MACF1: variants seen among roughly 807,000 people sequenced by gnomAD.
The protein encoded by MACF1 is microtubule-actin cross-linking factor 1.
In MACF1, 193 loss-of-function variants were observed where a neutral mutation model predicts 854.8. The observed-to-expected ratio is 0.23, with a 90% CI of 0.20 to 0.25. The LOEUF is 0.25. MACF1 is among the 10% of genes least tolerant of loss of function. The pLI is 1.00. For missense variants in MACF1, 7,722 were observed against 8,929.1 expected (o/e 0.86, Z 5.45); for synonymous variants, 3,185 against 3,226.7 (o/e 0.99, Z 0.44).
At chr1:39,180,313 A>G (rs1188631124) in intron 2 of MACF1, among the ~76,000 whole-genome samples, 2 of 151,930 alleles carry the variant, frequency 1.3e-5, no homozygotes, top group Non-Finnish European at 2.9e-5. Context: ...GTTGTGGCCA[A>G]TTGATATAAA....
At chr1:39,421,488 T>A (rs936903668) in intron 58 of MACF1, among the ~76,000 whole-genome samples, 7 of 152,216 alleles carry the variant, frequency 4.6e-5, no homozygotes, top group African/African-American at 1.7e-4. Context: ...TTGTGTGTGA[T>A]CTGTGGCTCT....
intron 96 of MACF1, among the ~76,000 whole-genome samples, chr1:39,469,314 G>T (rs1321787538): frequency 6.6e-6 from 1 of 152,196 alleles, no homozygotes; most frequent in Non-Finnish European, 1.5e-5. Context: ...TTTAATATGA[G>T]CATGAGTGGT....
At chr1:39,354,417 T>C (rs1248111954) in intron 44 of MACF1, among the ~76,000 whole-genome samples, 1 of 152,136 alleles carries the variant, frequency 6.6e-6, no homozygotes, top group Non-Finnish European at 1.5e-5. Flanking sequence ...TATTTATTTA[T>C]TTTTTGAGAC....
At chr1:39,225,240 C>T (rs1316223638) in intron 1 of MACF1, among the ~76,000 whole-genome samples, 4 of 108,150 alleles carry the variant, frequency 3.7e-5, no homozygotes, top group Non-Finnish European at 5.7e-5. Context: ...GACGGAGTCT[C>T]GCTCTGTCGC....
intron 97 of MACF1, among the ~76,000 whole-genome samples, chr1:39,473,605 C>T (rs533412519): frequency 7.9e-5 from 12 of 152,276 alleles, no homozygotes; most frequent in Admixed American, 2.6e-4. Flanking sequence ...CAGCTTGGTG[C>T]TTCTGTTCTT....
chr1:39,379,239 A>G lies in MACF1; in HGVS notation c.13313A>G (p.Asn4438Ser). The stretch of plus-strand genomic sequence containing the variant: ...ATCCAGTGTGACATGTCAGATGTAA[A>G]CTTGAAGTATGAGAAACTAGGGGGA... ...TEIQCDMSDV[N>S]LKYEKLGGVL... The change falls in exon 54 of 101, where the codon AAC (asparagine) becomes AGC (serine). Residue 4438 changes from asparagine to serine, a missense_variant. Coordinates refer to ENST00000564288, the MANE Select transcript of MACF1 (RefSeq NM_001394062.1). 1 of 1,610,684 alleles carries G rather than the reference A, an allele frequency of 6.2e-7. No individual in the cohort carries two copies. Among genetic ancestry groups the G allele is most frequent in the Non-Finnish European group, 8.5e-7 (1 of 1,178,546 alleles).
intron 2 of MACF1, among the ~76,000 whole-genome samples, chr1:39,189,964 G>T (rs1644223490): frequency 6.6e-6 from 1 of 152,160 alleles, no homozygotes; most frequent in Non-Finnish European, 1.5e-5. Flanking sequence ...AGCTGGAAAA[G>T]AATTTAGAGA....
chr1:39,086,229 T>G (rs541200336), intron 2 of MACF1, among the ~76,000 whole-genome samples: 32 of 152,292 alleles, frequency 2.1e-4, no homozygotes, highest in African/African-American at 7.7e-4. Flanking sequence ...TGACAGACTG[T>G]GATCCAGAAA....
chr1:39,425,156 CTTTT>C (rs1226503221), intron 61 of MACF1, among the ~76,000 whole-genome samples: 2 of 152,086 alleles, frequency 1.3e-5, no homozygotes, highest in Non-Finnish European at 2.9e-5. Context: ...TTTTACTTTT[CTTTT>C]TTTAATTTCT....
chr1:39,187,934 TTCC>T (rs1644197943), intron 2 of MACF1, among the ~76,000 whole-genome samples: 1 of 123,434 alleles, frequency 8.1e-6, no homozygotes, highest in Admixed American at 8.5e-5. Flanking sequence ...TCTTTCCCCT[TTCC>T]CTTCCCTTCC....
Position 39,428,083 on chromosome 1 carries a change from A to G in MACF1, c.16599A>G (p.Ser5533=), listed in dbSNP as rs1570037961. 8 of 1,614,228 alleles carry G rather than the reference A, an allele frequency of 5.0e-6. No homozygotes were observed. The East Asian group carries it at 1.6e-4, about 31-fold the overall frequency. The change falls in exon 63 of 101, where the codon TCA becomes TCG. Residue 5533 remains serine (S), a synonymous_variant. Transcript: ENST00000564288. ...GTGTGCTGTCAGAAAAGATAGACTC[A>G]TTGCAGGCCCGATACAGTGAAATTC... ...EQGVLSEKID[S]LQARYSEIQD...
At chr1:39,262,860 C>G (rs1305577954) in intron 6 of MACF1, among the ~76,000 whole-genome samples, 1 of 152,070 alleles carries the variant, frequency 6.6e-6, no homozygotes, top group African/African-American at 2.4e-5. Flanking sequence ...TTTTCTTTGC[C>G]GTTCTGAGGG....
chr1:39,315,208 C>T (rs1277575546), intron 26 of MACF1, among the ~76,000 whole-genome samples: 4 of 152,136 alleles, frequency 2.6e-5, no homozygotes, highest in African/African-American at 9.7e-5. Flanking sequence ...TAAACATATA[C>T]ACATATATTT....
Position 39,257,922 on chromosome 1 carries a change from T to C in MACF1, c.436-14T>C, listed in dbSNP as rs199655004. ...GTCCTAGAGCTCTGAGCCGTGCTTT[T>C]ATTTCTTTTTCAGGTGAAACTAGTG... On this transcript the variant is annotated splice_polypyrimidine_tract_variant and intron_variant, in intron 5 of 100. Coordinates refer to ENST00000564288, the MANE Select transcript of MACF1 (RefSeq NM_001394062.1). 436 of 1,601,222 alleles carry C rather than the reference T, an allele frequency of 2.7e-4. No homozygotes were observed. Among genetic ancestry groups the C allele is most frequent in the Admixed American group, 3.5e-4 (21 of 59,764 alleles).
intron 2 of MACF1, among the ~76,000 whole-genome samples, chr1:39,182,685 T>C (rs1023774391): frequency 1.5e-4 from 23 of 152,152 alleles, no homozygotes; most frequent in African/African-American, 5.6e-4. Context: ...CCCACTAGAA[T>C]GGCTTTAATA....
At chr1:39,340,428 G>A in intron 38 of MACF1, 74 bp from the exon 39 acceptor site, 1 of 1,061,026 alleles carries the variant, frequency 9.4e-7, no homozygotes, top group Non-Finnish European at 1.4e-6. Flanking sequence ...GGGTGAGAGA[G>A]AAATGTGTTC....
At chr1:39,254,927 A>T (rs543571907) in intron 5 of MACF1, among the ~76,000 whole-genome samples, 14 of 152,350 alleles carry the variant, frequency 9.2e-5, no homozygotes, top group South Asian at 4.1e-4. Context: ...GGAAGACAAC[A>T]ACCCATTTTT....
intron 52 of MACF1, among the ~76,000 whole-genome samples, chr1:39,373,778 G>A (rs1220484136): frequency 2.0e-5 from 3 of 151,152 alleles, no homozygotes; most frequent in African/African-American, 4.9e-5. Context: ...GCTTGAACCC[G>A]GGAGGCAGAG....
At chr1:39,100,592 G>A (rs1212117972) in intron 2 of MACF1, among the ~76,000 whole-genome samples, 1 of 152,094 alleles carries the variant, frequency 6.6e-6, no homozygotes, top group Non-Finnish European at 1.5e-5. Context: ...GGTGGCTCAT[G>A]CCTGTAATCC....
Sources: allele counts gnomAD v4.1 joint callset (sites outside exome capture counted in the v4.1 genomes callset), GRCh38; gene constraint gnomAD v4.1.1; transcripts MANE v1.5; gene names NCBI Gene and HGNC (gene_info 2026-07-23, HGNC 2026-07-21).